The following TRAF3IP1 variants were observed in gnomAD, a reference collection of about 807,000 sequenced individuals.
The protein encoded by TRAF3IP1 is intraflagellar transport 54.
Under a neutral mutation model 89.9 loss-of-function variants are expected in TRAF3IP1, and 53 were observed. The ratio of observed to expected loss-of-function variants is 0.59; its 90% CI spans 0.47 to 0.74. The LOEUF (loss-of-function observed/expected upper bound fraction) is 0.74, where lower values mean the gene tolerates loss of function less well. Among genes scored for constraint, TRAF3IP1 ranks in the 30% least tolerant of loss-of-function variants. TRAF3IP1 has a pLI of 0.00. For synonymous variants in TRAF3IP1, 311 were observed against 322.1 expected (o/e 0.97, Z 0.37); for missense variants, 806 against 866.1 (o/e 0.93, Z 0.87).
In TRAF3IP1 at chr2:238,320,552, G is replaced by C; in HGVS notation, c.-111G>C. ...GATGGAAACCGGAGCGGCGCGTCCT[G>C]GCAGGACCGGGCGGCGGCGGCGGCG... On this transcript the variant is annotated 5_prime_UTR_variant, in exon 1 of 17. Coordinates refer to ENST00000373327, the MANE Select transcript of TRAF3IP1 (RefSeq NM_015650.4). 3 of 1,032,360 alleles carry C rather than the reference G, an allele frequency of 2.9e-6. No homozygotes were observed. The highest frequency in any genetic ancestry group is 3.4e-5 in the African/African-American group (2 of 57,998). 63.9% of individuals were successfully genotyped at this position (1,032,360 alleles called of 1,614,324 possible).
intron 15 of TRAF3IP1, among the ~76,000 whole-genome samples, chr2:238,385,218 G>A (rs1700718784): frequency 6.6e-6 from 1 of 151,606 alleles, no homozygotes; most frequent in African/African-American, 2.4e-5. Flanking sequence ...GGGTTTCACC[G>A]TGTTAGCCAG....
rs146473577 is a variant in TRAF3IP1, at chr2:238,334,573, C to T, written c.1063+538C>T. 1.0e-3 allele frequency among the ~76,000 whole-genome samples: 154 copies of T among 152,282 alleles called. 2 individuals are homozygous for T. Among genetic ancestry groups the T allele is most frequent in the African/African-American group, 3.5e-3 (145 of 41,556 alleles). On this transcript the variant is annotated intron_variant, in intron 7 of 16. Transcript: ENST00000373327. ...AATGCAGGGAAGCCCTGTTGGAGGC[C>T]ACTGGCATTGGAGGCTTATTTTTCA...
At chr2:238,357,740 C>T (rs982189419) in intron 15 of TRAF3IP1, among the ~76,000 whole-genome samples, 41 of 152,134 alleles carry the variant, frequency 2.7e-4, no homozygotes, top group Non-Finnish European at 7.3e-5. Context: ...ATTTCTGAGA[C>T]CCAGTCGAAA....
intron 15 of TRAF3IP1, among the ~76,000 whole-genome samples, chr2:238,386,888 G>GT (rs1700796690): frequency 6.6e-6 from 1 of 152,088 alleles, no homozygotes; most frequent in Non-Finnish European, 1.5e-5. Context: ...GGCCATTCAC[G>GT]TTTATCTGTA....
chr2:238,350,080 T>C (rs538529588), intron 12 of TRAF3IP1, among the ~76,000 whole-genome samples: 1 of 150,942 alleles, frequency 6.6e-6, no homozygotes, highest in Non-Finnish European at 1.5e-5. Flanking sequence ...AAAAAAAAAA[T>C]AAAGTCATAA....
chr2:238,395,754 C>T lies in TRAF3IP1; in HGVS notation c.1690-1705C>T, dbSNP rs148471604. ...CACACTTCTCAAAAGAAGACATTTA[C>T]GCAGCCAAAAAACACATGAAAAAAT... is the stretch of plus-strand genomic sequence containing the variant. On this transcript the variant is annotated intron_variant, in intron 15 of 16. Transcript: ENST00000373327. 4.7e-3 allele frequency among the ~76,000 whole-genome samples: 715 copies of T among 152,184 alleles called. 14 individuals are homozygous for T. Among genetic ancestry groups the T allele is most frequent in the South Asian group, 5.4e-3 (26 of 4,824 alleles).
rs71402784 is a variant in TRAF3IP1 at position 238,377,230 on chromosome 2, C to CTTTTTTTTTTTTT, written c.1690-20218_1690-20206dup. Among the ~76,000 whole-genome samples, 14 of 86,716 alleles carry CTTTTTTTTTTTTT rather than the reference C, an allele frequency of 1.6e-4. 1 individual carries two copies. The highest frequency in any genetic ancestry group is 3.5e-4 in the East Asian group (1 of 2,822). The allele number at this position is 86,716 out of a possible 152,430, so 56.9% of individuals were successfully genotyped here. Reference sequence around the variant, plus strand: ...CCTCGTTTCCTTCCTTCCTGATTTTCTTTTTTTTTTTTTTTTTTTTTTTGA... The same window carrying CTTTTTTTTTTTTT: ...CCTCGTTTCCTTCCTTCCTGATTTTCTTTTTTTTTTTTTTTTTTTTTTTTTTTTTTTTTTTTGA... On this transcript the variant is annotated intron_variant, in intron 15 of 16. Transcript: ENST00000373327.
chr2:238,339,579 C>G (rs1490901627), intron 8 of TRAF3IP1, among the ~76,000 whole-genome samples: 1 of 152,252 alleles, frequency 6.6e-6, no homozygotes, highest in African/African-American at 2.4e-5. Flanking sequence ...ATCTCTGAGG[C>G]CACAGGGATG....
chr2:238,355,517 G>T (rs1361648526), intron 14 of TRAF3IP1, among the ~76,000 whole-genome samples: 1 of 152,226 alleles, frequency 6.6e-6, no homozygotes, highest in African/African-American at 2.4e-5. Context: ...ACGTACCCTC[G>T]TTTATTCAGT....
chr2:238,320,814 G>A lies in TRAF3IP1; in HGVS notation c.123+29G>A, dbSNP rs1386320839. 6 of 1,375,764 alleles carry A rather than the reference G, an allele frequency of 4.4e-6. No homozygotes were observed. In the African/African-American group the frequency reaches 7.6e-5, roughly 17 times the overall value. 85.2% of individuals were successfully genotyped at this position (1,375,764 alleles called of 1,614,324 possible). On this transcript the variant is annotated intron_variant, in intron 1 of 16. Transcript: ENST00000373327. The stretch of plus-strand genomic sequence containing the variant: ...GGCGCCGGGGACCGGGCCCGGCCAG[G>A]TGCGGGTCGGGATTCCGGTGGGCGC...
chr2:238,387,037 A>C (rs1306090011), intron 15 of TRAF3IP1, among the ~76,000 whole-genome samples: 1 of 152,244 alleles, frequency 6.6e-6, no homozygotes, highest in Non-Finnish European at 1.5e-5. Context: ...ATGACTAAGG[A>C]ATTGCATGTT....
intron 6 of TRAF3IP1, among the ~76,000 whole-genome samples, chr2:238,333,316 G>A (rs1336977133): frequency 6.6e-6 from 1 of 152,214 alleles, no homozygotes; most frequent in Admixed American, 6.5e-5. Context: ...ATTTCCTGGG[G>A]CTGGGTATGG....
At chr2:238,342,927 A>G (rs1027604985) in intron 8 of TRAF3IP1, among the ~76,000 whole-genome samples, 6 of 152,316 alleles carry the variant, frequency 3.9e-5, no homozygotes, top group Middle Eastern at 3.4e-3. Context: ...GAATAGTTTT[A>G]AGAATTATAA....
chr2:238,347,456 T>A lies in TRAF3IP1; in HGVS notation c.1263T>A (p.Gly421=). The change falls in exon 10 of 17, where the codon GGT becomes GGA. Residue 421 remains glycine (G), a splice_region_variant and synonymous_variant. Transcript: ENST00000373327. ...TTTTCTGATGTGCTTTTTCTTTAGG[T>A]GACTCCACCAGTGATGCAGGTGAGG... ...IQPNPTEKQK[G]DSTSDAEGDA... is the part of the protein sequence containing the mutation. 6.2e-7 allele frequency: 1 copy of A among 1,614,138 alleles called. No individual in the cohort carries two copies. The highest frequency in any genetic ancestry group is 8.5e-7 in the Non-Finnish European group (1 of 1,179,996).
intron 15 of TRAF3IP1, among the ~76,000 whole-genome samples, chr2:238,393,264 T>C (rs1701070603): frequency 6.6e-6 from 1 of 152,258 alleles, no homozygotes; most frequent in South Asian, 2.1e-4. Flanking sequence ...CATTGTGGTT[T>C]GAATTCGCAT....
chr2:238,385,955 C>G (rs190855309), intron 15 of TRAF3IP1, among the ~76,000 whole-genome samples: 29 of 152,180 alleles, frequency 1.9e-4, no homozygotes, highest in African/African-American at 7.0e-4. Context: ...TTTCCCTTGT[C>G]GAAGTCAAAT....
At chr2:238,385,114 C>T (rs570488677) in intron 15 of TRAF3IP1, among the ~76,000 whole-genome samples, 2 of 152,130 alleles carry the variant, frequency 1.3e-5, no homozygotes, top group East Asian at 3.9e-4. Context: ...CTCCCGGGTT[C>T]ATGCCATTCT....
intron 1 of TRAF3IP1, among the ~76,000 whole-genome samples, chr2:238,322,553 G>A (rs1697603670): frequency 6.6e-6 from 1 of 151,978 alleles, no homozygotes; most frequent in Admixed American, 6.5e-5. Flanking sequence ...AGCTGAGTGT[G>A]GTGGTGCACC....
chr2:238,320,839 C>T (rs1697492922), intron 1 of TRAF3IP1, 54 bp downstream of exon 1: 1 of 1,319,182 alleles, frequency 7.6e-7, no homozygotes, highest in Non-Finnish European at 9.8e-7. Flanking sequence ...CCGGTGGGCG[C>T]CGAGGTCAGG....
Sources: allele counts gnomAD v4.1 joint callset (sites outside exome capture counted in the v4.1 genomes callset), GRCh38; gene constraint gnomAD v4.1.1; transcripts MANE v1.5; gene names NCBI Gene and HGNC (gene_info 2026-07-23, HGNC 2026-07-21).